DDX23: variants seen among roughly 807,000 people sequenced by gnomAD.
The protein encoded by DDX23 is probable ATP-dependent RNA helicase DDX23.
Under a neutral mutation model 102.7 loss-of-function variants are expected in DDX23, and 33 were observed. That is an observed-to-expected ratio of 0.32 (90% CI 0.24 to 0.43). DDX23 has a LOEUF of 0.43. DDX23 is among the 20% of genes least tolerant of loss of function. The pLI is 1.00. For missense variants in DDX23, 549 were observed against 1,086.6 expected (o/e 0.51, Z 6.96); for synonymous variants, 352 against 376.0 (o/e 0.94, Z 0.74).
chr12:48,836,400 G>C lies in DDX23; in HGVS notation c.1237-134C>G, dbSNP rs1938468240. The C allele has an allele frequency of 7.8e-7, 1 of 1,283,156 alleles. No individual in the cohort carries two copies. The highest frequency in any genetic ancestry group is 1.5e-5 in the African/African-American group (1 of 67,324). 79.5% of individuals were successfully genotyped at this position (1,283,156 alleles called of 1,614,324 possible). A position where few individuals can be genotyped will look rare whatever the true frequency, so the allele number is the denominator to read the frequency against. On this transcript the variant is annotated intron_variant, in intron 10 of 16. Transcript: ENST00000308025. This position sits in a 1 kb window ranked among gnomAD's most constrained non-coding sequence, Gnocchi z 6.1. ...CAGTTCACAGAAATAGGGACCCCAA[G>C]AAGAAACCTAATCACTAAAAGCCAA...
chr12:48,845,929 T>G, intron 1 of DDX23, 147 bp from the exon 2 acceptor site: 1 of 898,920 alleles, frequency 1.1e-6, no homozygotes, highest in Non-Finnish European at 1.7e-6. Context: ...CTCAGGTATA[T>G]AAAGGAACTT....
Position 48,830,499 on chromosome 12 carries a change from C to T in DDX23, c.2433G>A (p.Lys811=), listed in dbSNP as rs757997909. 117 of 1,613,804 alleles carry T rather than the reference C, an allele frequency of 7.2e-5. 1 individual carries two copies. Among genetic ancestry groups the T allele is most frequent in the Non-Finnish European group, 9.2e-5 (109 of 1,179,994 alleles). ...AQHKPGTILT[K]KRREETIFA ...CAAAGATGGTCTCTTCCCGGCGCTT[C>T]TTGGTGAGGATGGTGCCTGGCTTAT... is the stretch of plus-strand genomic sequence containing the variant. Residue 811 remains lysine (K), a synonymous_variant, in exon 17 of 17, where the codon AAG becomes AAA. Coordinates refer to ENST00000308025, the MANE Select transcript of DDX23 (RefSeq NM_004818.3). This position sits in a 1 kb window ranked among gnomAD's most constrained non-coding sequence, Gnocchi z 4.9.
rs34696510 is a variant in DDX23, at chr12:48,837,643, G to A, written c.634C>T (p.Arg212Trp). Reference sequence around the variant, plus strand: ...CTCTCCCTGCGTTCCCGACGTTCCCGTTCCTGAGGATCTTCTGCAGACCAA... The same window carrying A: ...CTCTCCCTGCGTTCCCGACGTTCCCATTCCTGAGGATCTTCTGCAGACCAA... ...GRKMLEDPQERERRERRERME... is the reference protein window; with the variant it reads ...GRKMLEDPQEWERRERRERME... Residue 212 changes from arginine to tryptophan, a missense_variant, in exon 7 of 17, where the codon CGG becomes TGG. Coordinates refer to ENST00000308025, the MANE Select transcript of DDX23 (RefSeq NM_004818.3). The A allele has an allele frequency of 1.4e-5, 23 of 1,613,784 alleles. No individual in the cohort carries two copies. The highest frequency in any genetic ancestry group is 2.2e-5 in the East Asian group (1 of 44,876).
rs766593969 is a variant in DDX23 at position 48,832,518 on chromosome 12, T to C, written c.1859A>G (p.Tyr620Cys). ...PPAVERLARS[Y>C]LRRPAVVYIG... ...GTACACCACAGCAGGTCGCCGAAGA[T>C]AGCTCCTGGCCAGACGCTCCACCGC... Residue 620 changes from tyrosine (Y) to cysteine (C), a missense_variant, in exon 14 of 17, where the codon TAT becomes TGT. Physicochemically the swap from Tyr to Cys is radical, Grantham distance 194. This residue lies in a region of DDX23 where 270 missense variants were observed against 707.0 expected (regional missense o/e 0.38). Transcript: ENST00000308025. This position sits in a 1 kb window ranked among gnomAD's most constrained non-coding sequence, Gnocchi z 4.4. 4 of 1,614,010 alleles carry C rather than the reference T, an allele frequency of 2.5e-6. No individual in the cohort carries two copies. The highest frequency in any genetic ancestry group is 2.5e-6 in the Non-Finnish European group (3 of 1,180,022).
chr12:48,841,740 C>G (rs1351450906), intron 3 of DDX23, among the ~76,000 whole-genome samples: 4 of 152,238 alleles, frequency 2.6e-5, no homozygotes, highest in African/African-American at 7.2e-5. Flanking sequence ...CGGGATGGCA[C>G]ACGGAGTCGC....
rs1469271661 is a variant in DDX23 at position 48,840,093 on chromosome 12, G to A, written c.334C>T (p.Arg112Ter). 1 of 1,613,406 alleles carries A rather than the reference G, an allele frequency of 6.2e-7. No individual in the cohort carries two copies. Among genetic ancestry groups the A allele is most frequent in the Non-Finnish European group, 8.5e-7 (1 of 1,179,636 alleles). ...TTCCGAGATTTAAAGTCTTTTCCTC[G>A]ACCAGGAGATAAGCTTTGAGGAAAA... ...DRKRSSLSPG[R>*]GKDFKSRKDR... The change falls in exon 4 of 17, where the codon CGA (arginine) becomes TGA (stop). Residue 112 changes from arginine to a stop codon, truncating the protein, a stop_gained. Transcript: ENST00000308025. LOFTEE classifies it high-confidence loss of function.
Position 48,832,342 on chromosome 12 carries a change from T to C in DDX23, c.1955+80A>G. ...CTTCAACACAGCAGAGCAATTGCCC[T>C]GCCCTGCACCTGCACTAAAAAAGTT... On this transcript the variant is annotated intron_variant, in intron 14 of 16. Coordinates refer to ENST00000308025, the MANE Select transcript of DDX23 (RefSeq NM_004818.3). This position sits in a 1 kb window ranked among gnomAD's most constrained non-coding sequence, Gnocchi z 4.4. 5 of 1,577,942 alleles carry C rather than the reference T, an allele frequency of 3.2e-6. No homozygotes were observed. Among genetic ancestry groups the C allele is most frequent in the Non-Finnish European group, 4.3e-6 (5 of 1,156,476 alleles).
intron 2 of DDX23, 97 bp from the exon 3 acceptor site, chr12:48,844,147 A>G (rs1938622917): frequency 9.0e-7 from 1 of 1,107,186 alleles, no homozygotes; most frequent in South Asian, 1.3e-5. Context: ...TCCCAAAGTA[A>G]TGTTTTACAA....
At chr12:48,848,407 A>C (rs1211212723) in intron 1 of DDX23, among the ~76,000 whole-genome samples, 2 of 152,256 alleles carry the variant, frequency 1.3e-5, no homozygotes, top group African/African-American at 2.4e-5. Context: ...GAAGAAAATA[A>C]AACAGTGATA....
rs1403160976 is a variant in DDX23, at chr12:48,832,598, T to C, written c.1804-25A>G. ...TCTACGAAAACAGGAGGCTCAGCCC[T>C]GCACCCAGGCAGGAATAATCATATA... On this transcript the variant is annotated intron_variant, in intron 13 of 16. Coordinates refer to ENST00000308025, the MANE Select transcript of DDX23 (RefSeq NM_004818.3). This position sits in a 1 kb window ranked among gnomAD's most constrained non-coding sequence, Gnocchi z 4.4. 11 of 1,610,066 alleles carry C rather than the reference T, an allele frequency of 6.8e-6. No individual in the cohort carries two copies. The highest frequency in any genetic ancestry group is 9.3e-6 in the Non-Finnish European group (11 of 1,176,920).
chr12:48,831,875 A>T (rs940652843), intron 15 of DDX23: 4 of 592,452 alleles, frequency 6.8e-6, no homozygotes, highest in Admixed American at 6.2e-5. Context: ...TTTGGCTGGC[A>T]TTACTGCAGC....
At chr12:48,831,578 C>A (rs939884211) in intron 15 of DDX23, among the ~76,000 whole-genome samples, 11 of 152,050 alleles carry the variant, frequency 7.2e-5, no homozygotes, top group Non-Finnish European at 1.5e-4. Flanking sequence ...TGGAGCCAGA[C>A]AGATGAAAAG....
At chr12:48,834,533 T>C in intron 11 of DDX23, 36 bp from the exon 12 acceptor site, 1 of 1,595,726 alleles carries the variant, frequency 6.3e-7, no homozygotes, top group Non-Finnish European at 8.5e-7. Context: ...CTTCGTGAGC[T>C]TTGGTTCTTA....
At chr12:48,833,858 A>T (rs150414503) in intron 12 of DDX23, among the ~76,000 whole-genome samples, 5 of 152,282 alleles carry the variant, frequency 3.3e-5, no homozygotes, top group African/African-American at 1.2e-4. Flanking sequence ...GGGGTTGTAT[A>T]AAGACTAAAT....
At chr12:48,846,501 T>C (rs747664986) in intron 1 of DDX23, among the ~76,000 whole-genome samples, 1 of 152,138 alleles carries the variant, frequency 6.6e-6, no homozygotes, top group Non-Finnish European at 1.5e-5. Flanking sequence ...GAAAGCTCAA[T>C]GGAGAAAAAA....
chr12:48,834,137 C>T (rs555504709), intron 12 of DDX23, among the ~76,000 whole-genome samples, 183 bp downstream of exon 12: 343 of 152,244 alleles, frequency 2.3e-3, no homozygotes, highest in African/African-American at 7.7e-3. Flanking sequence ...AATTAATGAG[C>T]TAATATATAT....
At chr12:48,844,896 T>C (rs569528135) in intron 2 of DDX23, among the ~76,000 whole-genome samples, 1 of 151,520 alleles carries the variant, frequency 6.6e-6, no homozygotes, top group Admixed American at 6.6e-5. Context: ...CTCACGCCCG[T>C]AATCCCAGCA....
At position 48,844,088 on chromosome 12, in the gene DDX23, C is replaced by A. The variant is rs540576078; in HGVS notation, c.210-38G>T. On this transcript the variant is annotated intron_variant, in intron 2 of 16. Transcript: ENST00000308025. Reference sequence around the variant, plus strand: ...AAATTTAAGAGTTCACTTGGTATTTCCAAAGTATCTTGCTTCACTGCAGCC... The same window carrying A: ...AAATTTAAGAGTTCACTTGGTATTTACAAAGTATCTTGCTTCACTGCAGCC... 4 of 1,601,250 alleles carry A rather than the reference C, an allele frequency of 2.5e-6. No individual in the cohort carries two copies. In the East Asian group the frequency reaches 8.9e-5, roughly 36 times the overall value.
intron 1 of DDX23, among the ~76,000 whole-genome samples, chr12:48,850,930 CA>C (rs148607769): frequency 0.014 from 2,096 of 152,284 alleles, 47 homozygotes; most frequent in African/African-American, 0.047. Flanking sequence ...ACAGTAAATA[CA>C]GGCAACTTTT....
Sources: allele counts gnomAD v4.1 joint callset (sites outside exome capture counted in the v4.1 genomes callset), GRCh38; gene constraint gnomAD v4.1.1; regional missense constraint gnomAD v4.1.1; non-coding constraint Gnocchi (gnomAD v3.1); transcripts MANE v1.5; gene names NCBI Gene and HGNC (gene_info 2026-07-23, HGNC 2026-07-21).